ABCA5: variants seen among roughly 807,000 people sequenced by gnomAD.
ABCA5 encodes the protein cholesterol transporter ABCA5.
Under a neutral mutation model 206.0 loss-of-function variants are expected in ABCA5, and 163 were observed. That is an observed-to-expected ratio of 0.79 (90% CI 0.70 to 0.90). The LOEUF (loss-of-function observed/expected upper bound fraction) is 0.90, where lower values mean the gene tolerates loss of function less well. Ranked by LOEUF, ABCA5 falls within the 40% of genes least tolerant of loss-of-function variation. The pLI is 0.00. For synonymous variants in ABCA5, 609 were observed against 613.8 expected (o/e 0.99, Z 0.11); for missense variants, 1,859 against 1,912.9 (o/e 0.97, Z 0.53).
chr17:69,318,640 C>A, intron 1 of ABCA5: 1 of 334,896 alleles, frequency 3.0e-6, no homozygotes, highest in Non-Finnish European at 5.4e-6. Context: ...TTAAAAACAG[C>A]AAAACAAAAG....
chr17:69,305,751 G>A (rs2075709897), intron 6 of ABCA5, among the ~76,000 whole-genome samples: 1 of 152,080 alleles, frequency 6.6e-6, no homozygotes, highest in Non-Finnish European at 1.5e-5. Context: ...TGCACCTGTA[G>A]TCCCAACTAC....
chr17:69,256,995 G>C (rs1005046131), intron 28 of ABCA5, among the ~76,000 whole-genome samples: 10 of 152,036 alleles, frequency 6.6e-5, no homozygotes, highest in Non-Finnish European at 2.9e-5. Flanking sequence ...TTTAGGGATA[G>C]ACAGAGGATG....
At chr17:69,289,432 T>A in intron 13 of ABCA5, 136 bp from the exon 14 acceptor site, 4 of 700,048 alleles carry the variant, frequency 5.7e-6, no homozygotes, top group Non-Finnish European at 8.1e-6. Flanking sequence ...AATTTTAATA[T>A]CAACTTTAAA....
At chr17:69,301,944 T>C (rs2075656633) in intron 8 of ABCA5, among the ~76,000 whole-genome samples, 1 of 152,154 alleles carries the variant, frequency 6.6e-6, no homozygotes, top group Non-Finnish European at 1.5e-5. Context: ...TATGAATCTA[T>C]AATTCTTCGT....
intron 3 of ABCA5, among the ~76,000 whole-genome samples, chr17:69,312,497 A>G (rs754701623): frequency 2.6e-5 from 4 of 152,208 alleles, no homozygotes; most frequent in South Asian, 2.1e-4. Flanking sequence ...TTTACACCAT[A>G]CACTTCTATA....
chr17:69,282,945 C>G (rs1243118143), intron 18 of ABCA5, among the ~76,000 whole-genome samples: 1 of 150,682 alleles, frequency 6.6e-6, no homozygotes, highest in Non-Finnish European at 1.5e-5. Flanking sequence ...CTCATCACCA[C>G]TACCACCAGT....
chr17:69,259,122 G>A (rs1316169213), intron 28 of ABCA5, among the ~76,000 whole-genome samples: 1 of 151,972 alleles, frequency 6.6e-6, no homozygotes, highest in East Asian at 1.9e-4. Context: ...CATACAAACA[G>A]TTGTATACAA....
intron 24 of ABCA5, among the ~76,000 whole-genome samples, chr17:69,262,791 T>C (rs968855412): frequency 1.3e-5 from 2 of 152,174 alleles, no homozygotes; most frequent in Admixed American, 1.3e-4. Flanking sequence ...TTTAAGTTTT[T>C]TGAGAACTCT....
chr17:69,265,186 T>C (rs1041230720), intron 23 of ABCA5, among the ~76,000 whole-genome samples: 3 of 151,996 alleles, frequency 2.0e-5, no homozygotes, highest in Non-Finnish European at 4.4e-5. Flanking sequence ...AAGCAAAAGG[T>C]GTCATGGCGG....
At chr17:69,261,028 A>G (rs2075140943) in intron 26 of ABCA5, 97 bp downstream of exon 26, 5 of 1,008,296 alleles carry the variant, frequency 5.0e-6, no homozygotes, top group Admixed American at 5.9e-5. Flanking sequence ...CATTAGCCCA[A>G]TGCATTTTAC....
intron 18 of ABCA5, among the ~76,000 whole-genome samples, chr17:69,283,649 A>G (rs2075420302): frequency 6.6e-6 from 1 of 152,086 alleles, no homozygotes; most frequent in South Asian, 2.1e-4. Context: ...TTGCAGTTGC[A>G]GTTCTTTATC....
At chr17:69,260,816 T>G (rs1036625755) in intron 26 of ABCA5, among the ~76,000 whole-genome samples, 3 of 151,936 alleles carry the variant, frequency 2.0e-5, no homozygotes, top group Non-Finnish European at 2.9e-5. Flanking sequence ...CATCCCTTTA[T>G]AGTGAAATAC....
chr17:69,263,409 G>A (rs968869370), intron 24 of ABCA5, among the ~76,000 whole-genome samples: 1 of 151,988 alleles, frequency 6.6e-6, no homozygotes, highest in African/African-American at 2.4e-5. Context: ...TTTTACATAC[G>A]GTGAAAGGTG....
Position 69,270,687 on chromosome 17 carries a change from T to C in ABCA5, c.2956A>G (p.Ile986Val), listed in dbSNP as rs145300105. The C allele has an allele frequency of 1.8e-3, 2,829 of 1,602,100 alleles. 10 individuals carry two copies. The highest frequency in any genetic ancestry group is 2.2e-3 in the Non-Finnish European group (2,614 of 1,174,990). ...TGATAAAGATAGTAGTTACTAATGATATTCACTAATATAGGTAAAGAATAA... is the reference window on the plus strand; with the variant it reads ...TGATAAAGATAGTAGTTACTAATGACATTCACTAATATAGGTAAAGAATAA... ...MVYSLPILVN[I>V]ISNYYLYHLN... The change falls in exon 22 of 39, where the codon ATC becomes GTC. Residue 986 changes from isoleucine (I) to valine (V), a missense_variant. Ile to Val is a conservative substitution (Grantham distance 29). Transcript: ENST00000392676.
intron 11 of ABCA5, 85 bp downstream of exon 11, chr17:69,294,570 A>T (rs530779452): frequency 1.8e-6 from 2 of 1,128,944 alleles, no homozygotes; most frequent in East Asian, 2.4e-5. Context: ...ATGGTAGAGA[A>T]GTTTAAATTT....
intron 30 of ABCA5, 39 bp from the exon 31 acceptor site, chr17:69,255,673 A>G (rs1399282087): frequency 6.4e-7 from 1 of 1,573,338 alleles, no homozygotes; most frequent in East Asian, 2.3e-5. Context: ...TAATCAAATC[A>G]TACTAAAAGT....
At chr17:69,285,770 A>G in intron 17 of ABCA5, 128 bp downstream of exon 17, 2 of 1,028,562 alleles carry the variant, frequency 1.9e-6, no homozygotes, top group Non-Finnish European at 2.6e-6. Flanking sequence ...CAGAAACAGA[A>G]TATTAACTCT....
intron 19 of ABCA5, among the ~76,000 whole-genome samples, chr17:69,275,983 C>T (rs1259529438): frequency 3.3e-5 from 5 of 151,974 alleles, no homozygotes; most frequent in South Asian, 2.1e-4. Flanking sequence ...CTCAGAACTG[C>T]AGCCATCAGA....
chr17:69,281,066 A>G (rs978716086), intron 18 of ABCA5, among the ~76,000 whole-genome samples: 2 of 151,780 alleles, frequency 1.3e-5, no homozygotes, highest in Admixed American at 1.3e-4. Flanking sequence ...AAATAAAAAA[A>G]TAAAATTCTA....
Sources: gnomAD v4.1 joint callset for allele counts (sites outside exome capture counted in the v4.1 genomes callset) on GRCh38, gnomAD v4.1.1 for gene constraint, MANE v1.5 for transcripts, NCBI Gene and HGNC (gene_info 2026-07-23, HGNC 2026-07-21) for gene names.